Variants in ANKH observed in about 807,000 individuals in gnomAD.
The protein encoded by ANKH is mineralization regulator ANKH.
ANKH carries 15 observed loss-of-function variants against 49.0 expected under a neutral mutation model. The observed-to-expected ratio is 0.31, with a 90% CI of 0.20 to 0.47. ANKH has a LOEUF of 0.47. Ranked by LOEUF, ANKH falls within the 20% of genes least tolerant of loss-of-function variation. The pLI, the probability that ANKH is intolerant of heterozygous loss-of-function variation, is 1.00. For synonymous variants in ANKH, 273 were observed against 260.0 expected, an observed-to-expected ratio of 1.05 and a Z score of -0.48; for missense variants, 429 against 652.0, an observed-to-expected ratio of 0.66 and a Z score of 3.72.
At chr5:14,824,019 G>A (rs566858144) in intron 1 of ANKH, among the ~76,000 whole-genome samples, 254 of 152,240 alleles carry the variant, frequency 1.7e-3, no homozygotes, top group Non-Finnish European at 2.1e-3. Context: ...ACTGTGGTAT[G>A]TAAGAATACC....
chr5:14,865,112 T>C (rs1244564303), intron 1 of ANKH, among the ~76,000 whole-genome samples: 2 of 151,958 alleles, frequency 1.3e-5, no homozygotes, highest in African/African-American at 4.8e-5. Flanking sequence ...AATATAAAAT[T>C]AGCCAGGCAT....
intron 1 of ANKH, among the ~76,000 whole-genome samples, chr5:14,864,401 C>G (rs16903721): frequency 0.011 from 1,661 of 152,190 alleles, 35 homozygotes; most frequent in African/African-American, 0.037. Flanking sequence ...CAGGATTATA[C>G]CTCTGTGGCT....
chr5:14,868,144 G>A (rs1183133191), intron 1 of ANKH, among the ~76,000 whole-genome samples: 1 of 152,110 alleles, frequency 6.6e-6, no homozygotes, highest in African/African-American at 2.4e-5. Flanking sequence ...TGGCTCTGGG[G>A]TCATTAACAG....
chr5:14,779,533 CGT>C, intron 1 of ANKH, among the ~76,000 whole-genome samples: 1 of 152,298 alleles, frequency 6.6e-6, no homozygotes, highest in East Asian at 1.9e-4. Context: ...AGGGACTGGG[CGT>C]ATTTGTCACC....
intron 8 of ANKH, among the ~76,000 whole-genome samples, chr5:14,726,654 G>T (rs577135826): frequency 2.6e-5 from 4 of 152,302 alleles, no homozygotes; most frequent in Admixed American, 2.6e-4. Context: ...GCCTCTCTAG[G>T]AGTGTTCCTA....
intron 2 of ANKH, among the ~76,000 whole-genome samples, chr5:14,761,936 T>G (rs1038181230): frequency 6.6e-6 from 1 of 152,108 alleles, no homozygotes; most frequent in African/African-American, 2.4e-5. Context: ...TAGCTAATTT[T>G]GTATTTTTAG....
chr5:14,860,706 G>A (rs1007626351), intron 1 of ANKH, among the ~76,000 whole-genome samples: 3 of 152,012 alleles, frequency 2.0e-5, no homozygotes, highest in South Asian at 2.1e-4. Context: ...ATTAGAAAAC[G>A]GCAGGCAGAA....
intron 8 of ANKH, among the ~76,000 whole-genome samples, chr5:14,727,560 T>C (rs1737861028): frequency 6.6e-6 from 1 of 151,950 alleles, no homozygotes; most frequent in African/African-American, 2.4e-5. Flanking sequence ...CAGAGGGTTG[T>C]CCAACTCCTA....
intron 2 of ANKH, among the ~76,000 whole-genome samples, chr5:14,762,101 G>A (rs540937307): frequency 6.6e-5 from 10 of 152,176 alleles, no homozygotes; most frequent in Non-Finnish European, 1.3e-4. Context: ...AACAAAGGCC[G>A]AAAGGAGCAC....
At chr5:14,798,639 T>G (rs1454904738) in intron 1 of ANKH, among the ~76,000 whole-genome samples, 3 of 152,126 alleles carry the variant, frequency 2.0e-5, no homozygotes, top group Non-Finnish European at 1.5e-5. Flanking sequence ...AACTTTTTCA[T>G]TATTATTATA....
chr5:14,798,069 A>G, intron 1 of ANKH: 1 of 1,585,070 alleles, frequency 6.3e-7, no homozygotes, highest in Non-Finnish European at 8.7e-7. Flanking sequence ...TTTTCCACTA[A>G]CTGAACCAAA....
At chr5:14,777,091 G>A (rs922961993) in intron 1 of ANKH, among the ~76,000 whole-genome samples, 5 of 152,108 alleles carry the variant, frequency 3.3e-5, no homozygotes, top group South Asian at 2.1e-4. Flanking sequence ...AGACCAGCCC[G>A]GCAAACATGG....
intron 1 of ANKH, among the ~76,000 whole-genome samples, chr5:14,812,393 A>G (rs1740912691): frequency 6.6e-6 from 1 of 152,148 alleles, no homozygotes; most frequent in Non-Finnish European, 1.5e-5. Context: ...CTGTGACGAA[A>G]CAGTCTCTCG....
chr5:14,812,470 T>G (rs1740915116), intron 1 of ANKH, among the ~76,000 whole-genome samples: 1 of 152,210 alleles, frequency 6.6e-6, no homozygotes, highest in Non-Finnish European at 1.5e-5. Flanking sequence ...CGTAACTACA[T>G]ATTTTCCAGT....
chr5:14,761,241 T>C lies in ANKH; in HGVS notation c.314-2643A>G, dbSNP rs534831261. Among the ~76,000 whole-genome samples the C allele has an allele frequency of 1.3e-5, 2 of 152,288 alleles. 1 individual carries two copies. The highest frequency in any genetic ancestry group is 4.8e-5 in the African/African-American group (2 of 41,558). ...CTTGACCTCGGACTTCCAGCATCCA[T>C]AACTGTGAAATGCTCAATTTCTGTT... On this transcript the variant is annotated intron_variant, in intron 2 of 11. Transcript: ENST00000284268.
intron 3 of ANKH, among the ~76,000 whole-genome samples, chr5:14,756,938 G>GT (rs1738905141): frequency 6.6e-6 from 1 of 152,148 alleles, no homozygotes; most frequent in African/African-American, 2.4e-5. Flanking sequence ...AAATGTTCTG[G>GT]TGTTCTATTT....
At chr5:14,799,828 C>T (rs114867704) in intron 1 of ANKH, among the ~76,000 whole-genome samples, 2,955 of 152,240 alleles carry the variant, frequency 0.019, 38 homozygotes, top group Non-Finnish European at 0.034. Context: ...ATCCATTCTG[C>T]GGTCCACGGA....
intron 1 of ANKH, among the ~76,000 whole-genome samples, chr5:14,816,026 A>AT (rs1429082480): frequency 1.3e-5 from 2 of 152,208 alleles, no homozygotes; most frequent in Non-Finnish European, 2.9e-5. Context: ...AGCTAAAGAC[A>AT]TTTTTTGGCA....
chr5:14,787,914 A>G lies in ANKH; in HGVS notation c.97-18723T>C, dbSNP rs553584368. 2.6e-5 allele frequency among the ~76,000 whole-genome samples: 4 copies of G among 152,284 alleles called. No individual in the cohort carries two copies. The South Asian group carries it at 8.3e-4, about 32-fold the overall frequency. Reference sequence around the variant, plus strand: ...ACACCTTTGGCCATGAGAAAAGAGGAACCTTCTCCCTGTTGGACTCACTTT... The same window carrying G: ...ACACCTTTGGCCATGAGAAAAGAGGGACCTTCTCCCTGTTGGACTCACTTT... On this transcript the variant is annotated intron_variant, in intron 1 of 11. Transcript: ENST00000284268.
Sources: gnomAD v4.1 joint callset for allele counts (sites outside exome capture counted in the v4.1 genomes callset) on GRCh38, gnomAD v4.1.1 for gene constraint, MANE v1.5 for transcripts, NCBI Gene and HGNC (gene_info 2026-07-23, HGNC 2026-07-21) for gene names.